The following MPZL2 variants were observed in gnomAD, a reference collection of about 807,000 sequenced individuals.
The protein encoded by MPZL2 is myelin protein zero like 2, also known as myelin protein zero-like protein 2.
A neutral mutation model predicts 24.5 loss-of-function variants in MPZL2; 32 were observed. The ratio of observed to expected loss-of-function variants is 1.31; its 90% CI spans 0.99 to 1.76. The LOEUF (loss-of-function observed/expected upper bound fraction) is 1.76. Among genes scored for constraint, MPZL2 ranks in the 40% most tolerant of loss-of-function variants. The probability of loss-of-function intolerance (pLI) is 0.00; values close to 1 mark genes in which losing one functional copy is unlikely to be tolerated. For synonymous variants in MPZL2, 92 were observed against 97.9 expected (o/e 0.94, Z 0.36); for missense variants, 304 against 274.9 (o/e 1.11, Z -0.75).
At position 118,262,650 on chromosome 11, in the gene MPZL2, T is replaced by C. The variant is rs746414669; in HGVS notation, c.226-2A>G. On this transcript the variant is annotated splice_acceptor_variant, in intron 2 of 5. Transcript: ENST00000278937. LOFTEE classifies it high-confidence loss of function. ...GGGATCTATGTGGTAGTAGAATACC[T>C]AGAGAGGGGAAATGGCAAAAGGTCT... 1.2e-6 allele frequency: 2 copies of C among 1,613,154 alleles called. No individual in the cohort carries two copies. Among genetic ancestry groups the C allele is most frequent in the South Asian group, 2.2e-5 (2 of 90,978 alleles).
intron 3 of MPZL2, among the ~76,000 whole-genome samples, chr11:118,261,490 G>A (rs1949700106): frequency 6.6e-6 from 1 of 152,176 alleles, no homozygotes; most frequent in African/African-American, 2.4e-5. Context: ...TCCTTGCTGT[G>A]CCTGTACAAA....
Position 118,262,447 on chromosome 11 carries a change from C to T in MPZL2, c.427G>A (p.Val143Met), listed in dbSNP as rs1250407041. 17 of 1,613,706 alleles carry T rather than the reference C, an allele frequency of 1.1e-5. No homozygotes were observed. The highest frequency in any genetic ancestry group is 2.2e-5 in the East Asian group (1 of 44,890). The change falls in exon 3 of 6, where the codon GTG (valine) becomes ATG (methionine). Residue 143 changes from valine (V) to methionine (M), a missense_variant. Coordinates refer to ENST00000278937, the MANE Select transcript of MPZL2 (RefSeq NM_005797.4). ...GVIGEIRLSVVHTVRFSEIHF... is the reference protein window; with the variant it reads ...GVIGEIRLSVMHTVRFSEIHF... ...TCCCTGCATAACCTACCAGTGTGCA[C>T]GACGCTGAGCCGGATCTCCCCTATC...
intron 3 of MPZL2, among the ~76,000 whole-genome samples, chr11:118,261,876 G>A (rs1217789337): frequency 5.9e-5 from 9 of 152,106 alleles, no homozygotes; most frequent in African/African-American, 1.4e-4. Context: ...TGTGAGCCTC[G>A]TTTCCTCATT....
intron 4 of MPZL2, among the ~76,000 whole-genome samples, chr11:118,258,333 C>T (rs1949675923): frequency 6.6e-6 from 1 of 152,020 alleles, no homozygotes; most frequent in African/African-American, 2.4e-5. Context: ...CTATGAAGAA[C>T]ATGAAAAGAC....
At chr11:118,262,729 A>G in intron 2 of MPZL2, 81 bp from the exon 3 acceptor site, 2 of 1,446,224 alleles carry the variant, frequency 1.4e-6, no homozygotes, top group Non-Finnish European at 1.9e-6. Flanking sequence ...GAAGTGAAAC[A>G]CCAGCAAACC....
chr11:118,262,677 C>G, intron 2 of MPZL2, 29 bp from the exon 3 acceptor site: 2 of 1,604,626 alleles, frequency 1.2e-6, no homozygotes, highest in Non-Finnish European at 1.7e-6. Context: ...AAAAGGTCTT[C>G]TTACTCAGCA....
intron 4 of MPZL2, 45 bp from the exon 5 acceptor site, chr11:118,257,358 C>A: frequency 2.0e-6 from 3 of 1,503,492 alleles, no homozygotes; most frequent in Non-Finnish European, 2.8e-6. Context: ...AGACAAGAAG[C>A]AAGTGGGTAA....
In MPZL2 at chr11:118,262,613, C is replaced by T; in HGVS notation, c.261G>A (p.Met87Ile). 6.2e-7 allele frequency: 1 copy of T among 1,614,070 alleles called. No homozygotes were observed. Among genetic ancestry groups the T allele is most frequent in the Non-Finnish European group, 8.5e-7 (1 of 1,180,022 alleles). ...FYYHIDPFQP[M>I]SGRFKDRVSW... The stretch of plus-strand genomic sequence containing the variant: ...ACACCCGGTCCTTAAACCGCCCACT[C>T]ATGGGTTGGAAGGGATCTATGTGGT... The change falls in exon 3 of 6, where the codon ATG becomes ATA. Residue 87 changes from methionine (M) to isoleucine (I), a missense_variant. By Grantham distance (10) the Met-to-Ile change is conservative (BLOSUM62 1). Transcript: ENST00000278937.
At chr11:118,263,203 T>G in intron 1 of MPZL2, 106 bp from the exon 2 acceptor site, 1 of 1,202,482 alleles carries the variant, frequency 8.3e-7, no homozygotes. Flanking sequence ...TAAAGTAAAG[T>G]GAAACTGAGA....
chr11:118,257,176 T>C (rs1199726432), intron 5 of MPZL2, 62 bp downstream of exon 5: 1 of 1,246,602 alleles, frequency 8.0e-7, no homozygotes, highest in Non-Finnish European at 1.2e-6. Flanking sequence ...GAGTCCTCAT[T>C]AGAGATGGGC....
At chr11:118,257,726 G>A (rs1173025812) in intron 4 of MPZL2, 1 of 155,228 alleles carries the variant, frequency 6.4e-6, no homozygotes, top group African/African-American at 2.4e-5. Context: ...AATTAGTTCT[G>A]TTTCGCCAGG....
Position 118,262,463 on chromosome 11 carries a change from C to T in MPZL2, c.411G>A (p.Glu137=). Residue 137 remains glutamate, a synonymous_variant, in exon 3 of 6, where the codon GAG becomes GAA. Transcript: ENST00000278937. ...NPPDVDGVIG[E]IRLSVVHTVR... ...CAGTGTGCACGACGCTGAGCCGGAT[C>T]TCCCCTATCACCCCATCAACATCAG... 1 of 1,614,096 alleles carries T rather than the reference C, an allele frequency of 6.2e-7. No homozygotes were observed. The highest frequency in any genetic ancestry group is 8.5e-7 in the Non-Finnish European group (1 of 1,180,020).
In MPZL2 at chr11:118,262,969, A is replaced by G; in HGVS notation, c.187T>C (p.Trp63Arg). Reference protein sequence around the residue: ...APVGDALTVTWNFRPLDGGPE... With the variant: ...APVGDALTVTRNFRPLDGGPE... ...CCCCCGTCTAGAGGACGAAAATTCC[A>G]GGTCACTGTTAGAGCATCACCCACA... The change falls in exon 2 of 6, where the codon TGG (tryptophan) becomes CGG (arginine). Residue 63 changes from tryptophan (W) to arginine (R), a missense_variant. Trp to Arg is a moderately radical substitution (Grantham distance 101). Transcript: ENST00000278937. 6.2e-7 allele frequency: 1 copy of G among 1,614,182 alleles called. No homozygotes were observed. The highest frequency in any genetic ancestry group is 8.5e-7 in the Non-Finnish European group (1 of 1,180,016).
At chr11:118,262,322 C>T in intron 3 of MPZL2, 116 bp downstream of exon 3, 2 of 1,093,898 alleles carry the variant, frequency 1.8e-6, no homozygotes, top group East Asian at 5.0e-5. Context: ...AGGGCTAGTC[C>T]CTCTCTCTAT....
intron 5 of MPZL2, chr11:118,256,999 G>C (rs937323175): frequency 9.5e-6 from 3 of 314,402 alleles, no homozygotes; most frequent in African/African-American, 6.4e-5. Flanking sequence ...AATAACCTTA[G>C]GATTCTCTCA....
chr11:118,260,314 C>A (rs747252880), intron 3 of MPZL2, 113 bp from the exon 4 acceptor site: 64 of 1,075,654 alleles, frequency 5.9e-5, no homozygotes, highest in Non-Finnish European at 8.1e-5. Context: ...CTTTATCCTA[C>A]CTTTATGCAT....
Position 118,257,281 on chromosome 11 carries a change from T to C in MPZL2, c.617A>G (p.Lys206Arg). The C allele has an allele frequency of 6.2e-7, 1 of 1,610,718 alleles. No homozygotes were observed. Among genetic ancestry groups the C allele is most frequent in the Non-Finnish European group, 8.5e-7 (1 of 1,178,194 alleles). Residue 206 changes from lysine to arginine, a missense_variant, in exon 5 of 6, where the codon AAG (lysine) becomes AGG (arginine). Physicochemically the swap from Lys to Arg is conservative, Grantham distance 26. Transcript: ENST00000278937. ...TGTGTCTTCTAAATAAACAGAGACCTTTTTCTCTTGGTTGAGCCTTTCCTC... is the reference window on the plus strand; with the variant it reads ...TGTGTCTTCTAAATAAACAGAGACCCTTTTCTCTTGGTTGAGCCTTTCCTC... Reference protein sequence around the residue: ...KEEERLNQEKKVSVYLEDTD With the variant: ...KEEERLNQEKRVSVYLEDTD
Position 118,257,304 on chromosome 11 carries a change from C to T in MPZL2, c.594G>A (p.Glu198=). The change falls in exon 5 of 6, where the codon GAG becomes GAA. Residue 198 remains glutamate, a synonymous_variant. Coordinates refer to ENST00000278937, the MANE Select transcript of MPZL2 (RefSeq NM_005797.4). ...CCTTTTTCTCTTGGTTGAGCCTTTCCTCTTCTTTTCTGTAACAAGCAGAAA... is the reference window on the plus strand; with the variant it reads ...CCTTTTTCTCTTGGTTGAGCCTTTCTTCTTCTTTTCTGTAACAAGCAGAAA... ...HKVVEIKSKE[E]ERLNQEKKVS... The T allele has an allele frequency of 6.2e-7, 1 of 1,610,682 alleles. No homozygotes were observed. The highest frequency in any genetic ancestry group is 8.5e-7 in the Non-Finnish European group (1 of 1,178,314).
chr11:118,262,483 C>T lies in MPZL2; in HGVS notation c.391G>A (p.Val131Ile), dbSNP rs748574459. Residue 131 changes from valine to isoleucine, a missense_variant, in exon 3 of 6, where the codon GTT (valine) becomes ATT (isoleucine). Val to Ile is a conservative substitution (Grantham distance 29). Transcript: ENST00000278937. ...YTCQVKNPPD[V>I]DGVIGEIRLS... ...CGGATCTCCCCTATCACCCCATCAA[C>T]ATCAGGTGGGTTCTTCACCTGGCAG... The T allele has an allele frequency of 1.1e-5, 17 of 1,614,044 alleles. No homozygotes were observed. In the African/African-American group the frequency reaches 1.5e-4, roughly 14 times the overall value.
Sources: gnomAD v4.1 joint callset for allele counts (sites outside exome capture counted in the v4.1 genomes callset) on GRCh38, gnomAD v4.1.1 for gene constraint, MANE v1.5 for transcripts, NCBI Gene and HGNC (gene_info 2026-07-23, HGNC 2026-07-21) for gene names.